The following MAK variants were observed in gnomAD, a reference collection of about 807,000 sequenced individuals.
MAK encodes serine/threonine-protein kinase MAK.
Under a neutral mutation model 82.6 loss-of-function variants are expected in MAK, and 65 were observed. That is an observed-to-expected ratio of 0.79 (90% CI 0.64 to 0.97). The LOEUF (loss-of-function observed/expected upper bound fraction) is 0.97. Among genes scored for constraint, MAK ranks in the 50% least tolerant of loss-of-function variants. MAK has a pLI of 0.00. For missense variants in MAK, 703 were observed against 780.2 expected (o/e 0.90, Z 1.18); for synonymous variants, 250 against 274.2 (o/e 0.91, Z 0.87).
intron 5 of MAK, among the ~76,000 whole-genome samples, chr6:10,812,642 G>C (rs759528985): frequency 1.3e-5 from 2 of 151,500 alleles, no homozygotes; most frequent in Non-Finnish European, 2.9e-5. Context: ...TCATTTCCAC[G>C]ATAAAATTAG....
intron 9 of MAK, 54 bp downstream of exon 9, chr6:10,795,944 C>A (rs1775512112): frequency 6.4e-7 from 1 of 1,572,900 alleles, no homozygotes; most frequent in Admixed American, 1.7e-5. Context: ...CGAAAAAAAT[C>A]TTAATTGCAC....
intron 5 of MAK, among the ~76,000 whole-genome samples, chr6:10,811,740 G>A (rs1776947889): frequency 6.6e-6 from 1 of 151,814 alleles, no homozygotes; most frequent in African/African-American, 2.4e-5. Flanking sequence ...GTTTACATAT[G>A]GTGCAAATAA....
At chr6:10,797,632 G>A (rs921247117) in intron 8 of MAK, 8 of 985,316 alleles carry the variant, frequency 8.1e-6, no homozygotes, top group African/African-American at 1.7e-5. Context: ...AAAGTAGCTG[G>A]TCATTTTTGG....
chr6:10,799,594 G>A (rs575323923), intron 8 of MAK, among the ~76,000 whole-genome samples: 31 of 152,032 alleles, frequency 2.0e-4, no homozygotes, highest in Non-Finnish European at 1.6e-4. Flanking sequence ...CATCTTTAAA[G>A]AAACAAAACT....
chr6:10,834,419 T>C (rs1779019695), intron 1 of MAK, among the ~76,000 whole-genome samples: 1 of 152,140 alleles, frequency 6.6e-6, no homozygotes, highest in South Asian at 2.1e-4. Context: ...TTTTTCAGGG[T>C]CGTCTCCAAC....
At chr6:10,789,297 C>A (rs900061002) in intron 10 of MAK, among the ~76,000 whole-genome samples, 1 of 152,084 alleles carries the variant, frequency 6.6e-6, no homozygotes, top group Non-Finnish European at 1.5e-5. Flanking sequence ...CACAACTGTT[C>A]TTCCTATTCT....
chr6:10,791,740 G>C lies in MAK; in HGVS notation c.1251C>G (p.Ala417=), dbSNP rs1028582591. The change falls in exon 10 of 15, where the codon GCC becomes GCG. Residue 417 remains alanine (A), a synonymous_variant. Transcript: ENST00000354489. ...CCATGCTTGGCTTCTTGGAATGGGAGGCTCCGAAATCATAGTCCTCCAACT... is the reference window on the plus strand; with the variant it reads ...CCATGCTTGGCTTCTTGGAATGGGACGCTCCGAAATCATAGTCCTCCAACT... The part of the protein sequence containing the change: ...WEELEDYDFG[A]SHSKKPSMGV... 2.5e-5 allele frequency: 41 copies of C among 1,613,904 alleles called. No homozygotes were observed. Among genetic ancestry groups the C allele is most frequent in the Non-Finnish European group, 3.3e-5 (39 of 1,179,990 alleles).
intron 3 of MAK, among the ~76,000 whole-genome samples, chr6:10,818,435 GAA>G (rs1310872254): frequency 6.6e-6 from 1 of 152,142 alleles, no homozygotes; most frequent in Non-Finnish European, 1.5e-5. Context: ...CCAACATGGT[GAA>G]ACCTTGTCTC....
intron 2 of MAK, among the ~76,000 whole-genome samples, chr6:10,819,838 C>T (rs771651608): frequency 3.3e-5 from 5 of 150,286 alleles, no homozygotes; most frequent in South Asian, 2.1e-4. Context: ...CATGGCCGGG[C>T]GCGGTGGCTC....
rs387906647 is a variant in MAK, at chr6:10,830,612, C to G, written c.37G>C (p.Gly13Arg). The G allele has an allele frequency of 6.2e-7, 1 of 1,614,102 alleles. No homozygotes were observed. The highest frequency in any genetic ancestry group is 8.5e-7 in the Non-Finnish European group (1 of 1,179,994). Residue 13 changes from glycine to arginine, a missense_variant, in exon 2 of 15, where the codon GGC (glycine) becomes CGC (arginine). Coordinates refer to ENST00000354489, the MANE Select transcript of MAK (RefSeq NM_001242957.3). ...RYTTMRQLGD[G>R]TYGSVLMGKS... is the part of the protein sequence containing the mutation. ...CCCATAAGCACACTCCCATACGTGCCGTCCCCCAACTGTCTCATGGTTGTG... is the reference window on the plus strand; with the variant it reads ...CCCATAAGCACACTCCCATACGTGCGGTCCCCCAACTGTCTCATGGTTGTG...
intron 8 of MAK, among the ~76,000 whole-genome samples, chr6:10,799,662 G>A (rs1775857944): frequency 6.6e-6 from 1 of 152,040 alleles, no homozygotes; most frequent in Non-Finnish European, 1.5e-5. Context: ...TGGGCACAGT[G>A]GTTCATGCCT....
intron 6 of MAK, among the ~76,000 whole-genome samples, chr6:10,806,505 A>ATTTTTTTTTTTTT (rs70991049): frequency 1.7e-4 from 20 of 117,124 alleles, no homozygotes; most frequent in Admixed American, 3.7e-4. Flanking sequence ...CACCCGTCTA[A>ATTTTTTTTTTTTT]TTTTTTTTTT....
At chr6:10,784,991 G>A (rs912468715) in intron 10 of MAK, 11 of 439,918 alleles carry the variant, frequency 2.5e-5, no homozygotes, top group Non-Finnish European at 5.0e-5. Flanking sequence ...AACTGAAATG[G>A]GGAAAGAAGT....
intron 8 of MAK, 117 bp downstream of exon 8, chr6:10,801,775 G>A (rs1776035274): frequency 2.1e-6 from 2 of 948,444 alleles, no homozygotes; most frequent in Admixed American, 2.0e-5. Flanking sequence ...AGGACTTTGT[G>A]TTTAATTCTC....
At chr6:10,801,753 C>T (rs959151206) in intron 8 of MAK, 139 bp downstream of exon 8, 9 of 719,700 alleles carry the variant, frequency 1.3e-5, no homozygotes, top group African/African-American at 3.5e-5. Flanking sequence ...TTATTACATA[C>T]GCTGGATGCC....
chr6:10,811,642 T>G (rs1429052197), intron 5 of MAK, among the ~76,000 whole-genome samples: 1 of 152,212 alleles, frequency 6.6e-6, no homozygotes, highest in African/African-American at 2.4e-5. Context: ...AGATGTCCCT[T>G]ATTTCCATAT....
At chr6:10,799,902 GC>G (rs1308652765) in intron 8 of MAK, among the ~76,000 whole-genome samples, 1 of 152,138 alleles carries the variant, frequency 6.6e-6, no homozygotes, top group Non-Finnish European at 1.5e-5. Flanking sequence ...ACAAAAATTA[GC>G]CAGGTGTGGT....
chr6:10,789,074 C>T (rs1489708269), intron 10 of MAK, among the ~76,000 whole-genome samples: 3 of 150,556 alleles, frequency 2.0e-5, no homozygotes, highest in African/African-American at 7.3e-5. Flanking sequence ...TTTGAAAACC[C>T]ATGGATTAAA....
intron 12 of MAK, among the ~76,000 whole-genome samples, chr6:10,773,979 G>A (rs1561933495): frequency 6.6e-6 from 1 of 152,106 alleles, no homozygotes; most frequent in South Asian, 2.1e-4. Flanking sequence ...GATTACAGGA[G>A]TGGGCCACTG....
Sources: gnomAD v4.1 joint callset for allele counts (sites outside exome capture counted in the v4.1 genomes callset) on GRCh38, gnomAD v4.1.1 for gene constraint, MANE v1.5 for transcripts, NCBI Gene and HGNC (gene_info 2026-07-23, HGNC 2026-07-21) for gene names.